CRABP1: variants seen among roughly 807,000 people sequenced by gnomAD.
The protein encoded by CRABP1 is cellular retinoic acid-binding protein 1.
In CRABP1, 9 loss-of-function variants were observed where a neutral mutation model predicts 16.4. That is an observed-to-expected ratio of 0.55 (90% CI 0.33 to 0.96). CRABP1 has a LOEUF of 0.96. Among genes scored for constraint, CRABP1 ranks in the 40% least tolerant of loss-of-function variants. The pLI is 0.03. For synonymous variants in CRABP1, 72 were observed against 70.4 expected (o/e 1.02, Z -0.11); for missense variants, 157 against 186.0 (o/e 0.84, Z 0.91).
At chr15:78,344,352 C>T (rs778110282) in intron 3 of CRABP1, among the ~76,000 whole-genome samples, 2 of 151,948 alleles carry the variant, frequency 1.3e-5, no homozygotes, top group Admixed American at 1.3e-4. Context: ...CCCAGCTACT[C>T]GGGAAGCTGA....
rs566801877 is a variant in CRABP1 at position 78,341,798 on chromosome 15, C to A, written c.249+577C>A. The stretch of plus-strand genomic sequence containing the variant: ...TCTGGCTGGGAAAATGGACTAGTTG[C>A]CCTCTCTTAGTCCTCAAGGGCAAGA... On this transcript the variant is annotated intron_variant, in intron 2 of 3. Transcript: ENST00000299529. The surrounding 1 kb of genome is among the most constrained non-coding windows in gnomAD (Gnocchi z 5.3). The A allele has an allele frequency of 7.2e-4, 121 of 169,192 alleles. 1 individual carries two copies. The highest frequency in any genetic ancestry group is 2.3e-3 in the African/African-American group (95 of 41,836). 10.5% of individuals were successfully genotyped at this position (169,192 alleles called of 1,614,324 possible). A position where few individuals can be genotyped will look rare whatever the true frequency, so the allele number is the denominator to read the frequency against.
Position 78,347,898 on chromosome 15 carries a change from A to G in CRABP1, c.364-29A>G, listed in dbSNP as rs776617239. ...CATTTTTGCACAGGCATCTGCACTG[A>G]TTGGTTTTCCTTTTCTTCTTCTCTG... On this transcript the variant is annotated intron_variant, in intron 3 of 3. Coordinates refer to ENST00000299529, the MANE Select transcript of CRABP1 (RefSeq NM_004378.3). 1.5e-5 allele frequency: 24 copies of G among 1,613,266 alleles called. No homozygotes were observed. In the East Asian group the frequency reaches 4.9e-4, roughly 33 times the overall value.
At chr15:78,346,993 G>T (rs72736766) in intron 3 of CRABP1, among the ~76,000 whole-genome samples, 10,902 of 140,250 alleles carry the variant, frequency 0.078, 852 homozygotes, top group African/African-American at 0.19. Context: ...TTTTGTTTTT[G>T]TTTTTTTTTT....
At position 78,347,915 on chromosome 15, in the gene CRABP1, T is replaced by C; in HGVS notation, c.364-12T>C. Reference sequence around the variant, plus strand: ...CTGCACTGATTGGTTTTCCTTTTCTTCTTCTCTGCAGACGTTTGGCGCCGA... The same window carrying C: ...CTGCACTGATTGGTTTTCCTTTTCTCCTTCTCTGCAGACGTTTGGCGCCGA... On this transcript the variant is annotated splice_polypyrimidine_tract_variant and intron_variant, in intron 3 of 3. Transcript: ENST00000299529. 1 of 1,614,142 alleles carries C rather than the reference T, an allele frequency of 6.2e-7. No homozygotes were observed. The highest frequency in any genetic ancestry group is 8.5e-7 in the Non-Finnish European group (1 of 1,180,000).
At chr15:78,345,190 C>T (rs948765410) in intron 3 of CRABP1, among the ~76,000 whole-genome samples, 1 of 152,180 alleles carries the variant, frequency 6.6e-6, no homozygotes, top group Non-Finnish European at 1.5e-5. Flanking sequence ...CCTTGCTATA[C>T]AATGAGGGGT....
In CRABP1 at chr15:78,341,323, GCC is replaced by G; in HGVS notation, c.249+103_249+104del. ...TGTCTCCCTTTGCAGCCTGTGGCGCGCCTTCCTTGCAGGGTGTGTACACTGGC... is the reference window on the plus strand; with the variant it reads ...TGTCTCCCTTTGCAGCCTGTGGCGCGTTCCTTGCAGGGTGTGTACACTGGC... On this transcript the variant is annotated intron_variant, in intron 2 of 3. Coordinates refer to ENST00000299529, the MANE Select transcript of CRABP1 (RefSeq NM_004378.3). The surrounding 1 kb of genome is among the most constrained non-coding windows in gnomAD (Gnocchi z 5.3). The G allele has an allele frequency of 7.3e-7, 1 of 1,377,402 alleles. No homozygotes were observed. 85.3% of individuals were successfully genotyped at this position (1,377,402 alleles called of 1,614,324 possible). A position where few individuals can be genotyped will look rare whatever the true frequency, so the allele number is the denominator to read the frequency against.
Position 78,347,984 on chromosome 15 carries a change from C to T in CRABP1, c.*7C>T. On this transcript the variant is annotated 3_prime_UTR_variant, in exon 4 of 4. Coordinates refer to ENST00000299529, the MANE Select transcript of CRABP1 (RefSeq NM_004378.3). ...AATTTATGTCCGAGAGTGAAGGCAG[C>T]TGGCTTGCTCCTACTTTCAGGAAGG... 6.2e-7 allele frequency: 1 copy of T among 1,613,936 alleles called. No homozygotes were observed. The highest frequency in any genetic ancestry group is 8.5e-7 in the Non-Finnish European group (1 of 1,179,852).
chr15:78,341,224 G>A lies in CRABP1; in HGVS notation c.249+3G>A, dbSNP rs1383553851. The A allele has an allele frequency of 1.2e-6, 2 of 1,606,114 alleles. No homozygotes were observed. The highest frequency in any genetic ancestry group is 2.2e-5 in the East Asian group (1 of 44,506). On this transcript the variant is annotated splice_donor_region_variant and intron_variant, in intron 2 of 3. Coordinates refer to ENST00000299529, the MANE Select transcript of CRABP1 (RefSeq NM_004378.3). This position sits in a 1 kb window ranked among gnomAD's most constrained non-coding sequence, Gnocchi z 5.3. The stretch of plus-strand genomic sequence containing the variant: ...CCGTGGACGGACGCAAGTGCAGGGT[G>A]AGGCCCCAGAGCCACTACAGCGTCC...
At chr15:78,344,001 G>C (rs1486485345) in intron 3 of CRABP1, among the ~76,000 whole-genome samples, 1 of 152,056 alleles carries the variant, frequency 6.6e-6, no homozygotes, top group Admixed American at 6.5e-5. Flanking sequence ...TCCCCCTTTT[G>C]CTGGCTGGAA....
chr15:78,343,701 C>A, intron 3 of CRABP1, 89 bp downstream of exon 3: 1 of 905,372 alleles, frequency 1.1e-6, no homozygotes. Context: ...CTCACTCGGC[C>A]GTTCAGAGAA....
chr15:78,348,131 A>AC lies in CRABP1; in HGVS notation c.*160dup. 1.8e-6 allele frequency: 1 copy of AC among 560,230 alleles called. No individual in the cohort carries two copies. The highest frequency in any genetic ancestry group is 2.9e-6 in the Non-Finnish European group (1 of 341,918). 34.7% of individuals were successfully genotyped at this position (560,230 alleles called of 1,614,324 possible). On this transcript the variant is annotated 3_prime_UTR_variant, in exon 4 of 4. Coordinates refer to ENST00000299529, the MANE Select transcript of CRABP1 (RefSeq NM_004378.3). ...CAATGTTGTAGTGTCCCCCACCCCC[A>AC]CCCCCCAGGCCTTGGTGCCTCTTGT...
intron 3 of CRABP1, among the ~76,000 whole-genome samples, chr15:78,346,479 C>A (rs1434364429): frequency 1.3e-5 from 2 of 152,134 alleles, no homozygotes; most frequent in Non-Finnish European, 2.9e-5. Context: ...CCAGCCTGGC[C>A]AACAAGGTAA....
chr15:78,341,616 T>G lies in CRABP1; in HGVS notation c.249+395T>G. 7.4e-6 allele frequency: 2 copies of G among 269,056 alleles called. No homozygotes were observed. The highest frequency in any genetic ancestry group is 4.9e-5 in the Admixed American group (1 of 20,528). 16.7% of individuals were successfully genotyped at this position (269,056 alleles called of 1,614,324 possible). On this transcript the variant is annotated intron_variant, in intron 2 of 3. Coordinates refer to ENST00000299529, the MANE Select transcript of CRABP1 (RefSeq NM_004378.3). The surrounding 1 kb of genome is among the most constrained non-coding windows in gnomAD (Gnocchi z 5.3). ...TGAAGCCGCAGCTCTTGCATTCCTT[T>G]CCCGCCGTATCCCCCGCGCCCGCCC...
At chr15:78,342,508 C>G (rs527440722) in intron 2 of CRABP1, among the ~76,000 whole-genome samples, 1 of 152,082 alleles carries the variant, frequency 6.6e-6, no homozygotes, top group Admixed American at 6.5e-5. Flanking sequence ...ACATTCAGCT[C>G]TGGCCCACCC....
rs2050234422 is a variant in CRABP1 at position 78,341,465 on chromosome 15, T to C, written c.249+244T>C. The stretch of plus-strand genomic sequence containing the variant: ...CCTCCCGGGGTGCTAACAGCCGCGC[T>C]TAAAGAGCGGGCTCTGGGTTGCGCC... On this transcript the variant is annotated intron_variant, in intron 2 of 3. Transcript: ENST00000299529. The surrounding 1 kb of genome is among the most constrained non-coding windows in gnomAD (Gnocchi z 5.3). The C allele has an allele frequency of 9.8e-6, 5 of 510,856 alleles. No individual in the cohort carries two copies. The East Asian group carries it at 1.9e-4, about 19-fold the overall frequency. 31.6% of individuals were successfully genotyped at this position (510,856 alleles called of 1,614,324 possible).
At chr15:78,342,373 A>AT (rs1490993930) in intron 2 of CRABP1, among the ~76,000 whole-genome samples, 22 of 150,698 alleles carry the variant, frequency 1.5e-4, no homozygotes, top group Non-Finnish European at 2.2e-4. Flanking sequence ...GGTAATTCTG[A>AT]TTTAAAAAAA....
Position 78,340,509 on chromosome 15 carries a change from G to T in CRABP1, c.70+11G>T, listed in dbSNP as rs1306955310. ...TGCTCAAGGCACTGGGTAAGCTGGT[G>T]CAGAGGGCGCGCCCCGACGGGGAGA... On this transcript the variant is annotated intron_variant, in intron 1 of 3. Coordinates refer to ENST00000299529, the MANE Select transcript of CRABP1 (RefSeq NM_004378.3). 5.6e-6 allele frequency: 9 copies of T among 1,604,354 alleles called. No individual in the cohort carries two copies. Among genetic ancestry groups the T allele is most frequent in the Non-Finnish European group, 7.7e-6 (9 of 1,176,392 alleles).
rs1157697126 is a variant in CRABP1, at chr15:78,347,924, C to T, written c.364-3C>T. The T allele has an allele frequency of 1.2e-6, 2 of 1,614,120 alleles. No homozygotes were observed. The highest frequency in any genetic ancestry group is 2.2e-5 in the East Asian group (1 of 44,882). On this transcript the variant is annotated splice_region_variant and splice_polypyrimidine_tract_variant and intron_variant, in intron 3 of 3. Coordinates refer to ENST00000299529, the MANE Select transcript of CRABP1 (RefSeq NM_004378.3). ...TTGGTTTTCCTTTTCTTCTTCTCTG[C>T]AGACGTTTGGCGCCGATGACGTGGT...
At chr15:78,343,693 C>T (rs1291066905) in intron 3 of CRABP1, 81 bp downstream of exon 3, 6 of 985,310 alleles carry the variant, frequency 6.1e-6, no homozygotes, top group Non-Finnish European at 7.7e-6. Context: ...ATGTCCTCCT[C>T]ACTCGGCCGT....
Sources: gnomAD v4.1 joint callset for allele counts (sites outside exome capture counted in the v4.1 genomes callset) on GRCh38, gnomAD v4.1.1 for gene constraint, Gnocchi (gnomAD v3.1) non-coding constraint, MANE v1.5 for transcripts, NCBI Gene and HGNC (gene_info 2026-07-23, HGNC 2026-07-21) for gene names.